The following HACE1 variants were observed in gnomAD, a reference collection of about 807,000 sequenced individuals.
HACE1 encodes the protein E3 ubiquitin-protein ligase HACE1.
A neutral mutation model predicts 118.4 loss-of-function variants in HACE1; 73 were observed. The ratio of observed to expected loss-of-function variants is 0.62; its 90% CI spans 0.51 to 0.75. The LOEUF (loss-of-function observed/expected upper bound fraction) is 0.75, where lower values mean the gene tolerates loss of function less well. Ranked by LOEUF, HACE1 falls within the 30% of genes least tolerant of loss-of-function variation. The pLI, the probability that HACE1 is intolerant of heterozygous loss-of-function variation, is 0.00. For synonymous variants in HACE1, 368 were observed against 374.8 expected (o/e 0.98, Z 0.21); for missense variants, 749 against 1,102.2 (o/e 0.68, Z 4.54).
intron 3 of HACE1, 134 bp downstream of exon 3, chr6:104,850,773 C>G (rs556623430): frequency 2.6e-6 from 2 of 762,520 alleles, no homozygotes; most frequent in East Asian, 2.5e-5. Context: ...GCACACCACG[C>G]GCTCAAACAG....
At chr6:104,810,353 A>C (rs1406528374) in intron 7 of HACE1, among the ~76,000 whole-genome samples, 1 of 152,014 alleles carries the variant, frequency 6.6e-6, no homozygotes, top group Non-Finnish European at 1.5e-5. Flanking sequence ...CCCAACAAGA[A>C]GCTAAACAAG....
At chr6:104,740,080 T>C (rs377053907) in intron 22 of HACE1, among the ~76,000 whole-genome samples, 2 of 151,354 alleles carry the variant, frequency 1.3e-5, no homozygotes, top group African/African-American at 2.4e-5. Context: ...GGGTACATAA[T>C]GAAATGAAGG....
At chr6:104,801,719 G>A (rs1384092941) in intron 7 of HACE1, among the ~76,000 whole-genome samples, 1 of 152,112 alleles carries the variant, frequency 6.6e-6, no homozygotes, top group Non-Finnish European at 1.5e-5. Flanking sequence ...CCTGAAGGAA[G>A]CACTAAACAT....
intron 22 of HACE1, among the ~76,000 whole-genome samples, chr6:104,736,340 A>G (rs1419698231): frequency 6.6e-6 from 1 of 151,952 alleles, no homozygotes. Context: ...GCTAGAGTGC[A>G]GTGGTGCAAT....
intron 14 of HACE1, among the ~76,000 whole-genome samples, chr6:104,781,182 T>C (rs1437279114): frequency 6.6e-6 from 1 of 152,158 alleles, no homozygotes; most frequent in Non-Finnish European, 1.5e-5. Flanking sequence ...AGACTTTCCA[T>C]TTATTCATTA....
At chr6:104,802,922 GGA>G (rs1267195286) in intron 7 of HACE1, among the ~76,000 whole-genome samples, 1 of 152,150 alleles carries the variant, frequency 6.6e-6, no homozygotes. Flanking sequence ...AATGAATCCA[GGA>G]GCTGGTTTTT....
chr6:104,831,986 GGAAGGA>G (rs1774014103), intron 6 of HACE1, among the ~76,000 whole-genome samples: 3 of 37,406 alleles, frequency 8.0e-5, no homozygotes, highest in African/African-American at 2.0e-4. Flanking sequence ...AAGAGAGGAA[GGAAGGA>G]AGGAAGGAAG....
chr6:104,778,857 T>C (rs1001638565), intron 14 of HACE1, among the ~76,000 whole-genome samples: 16 of 151,768 alleles, frequency 1.1e-4, no homozygotes, highest in African/African-American at 3.1e-4. Flanking sequence ...AACTTATGAA[T>C]AGAAATAACT....
intron 22 of HACE1, among the ~76,000 whole-genome samples, chr6:104,737,599 C>A (rs1014125425): frequency 2.6e-5 from 4 of 152,176 alleles, no homozygotes; most frequent in African/African-American, 9.7e-5. Context: ...TCACTCCCAC[C>A]CGAATACTGC....
chr6:104,731,356 A>G (rs901505422), intron 22 of HACE1: 1 of 152,116 alleles, frequency 6.6e-6, no homozygotes, highest in East Asian at 1.9e-4. Flanking sequence ...ATGATTTATA[A>G]CATAAAGCAT....
intron 22 of HACE1, among the ~76,000 whole-genome samples, chr6:104,734,386 TAATACAG>T (rs973304224): frequency 3.4e-4 from 51 of 152,032 alleles, no homozygotes; most frequent in South Asian, 2.1e-3. Context: ...AAATATAAAC[TAATACAG>T]AATACAGAAT....
intron 6 of HACE1, among the ~76,000 whole-genome samples, chr6:104,816,672 C>T (rs537301937): frequency 1.5e-4 from 23 of 152,304 alleles, no homozygotes; most frequent in African/African-American, 5.5e-4. Flanking sequence ...AGGGCACTGT[C>T]TAGTAGAGCT....
chr6:104,768,152 T>C (rs926285132), intron 19 of HACE1, among the ~76,000 whole-genome samples: 12 of 152,182 alleles, frequency 7.9e-5, no homozygotes, highest in African/African-American at 2.9e-4. Flanking sequence ...TGGTTTCACT[T>C]TATAATCACC....
At chr6:104,798,515 C>A (rs1473899639) in intron 7 of HACE1, among the ~76,000 whole-genome samples, 1 of 151,962 alleles carries the variant, frequency 6.6e-6, no homozygotes, top group Non-Finnish European at 1.5e-5. Flanking sequence ...TTCCTTAATA[C>A]CAATAAGCCC....
chr6:104,818,887 C>T (rs929331124), intron 6 of HACE1, among the ~76,000 whole-genome samples: 1 of 151,528 alleles, frequency 6.6e-6, no homozygotes, highest in Non-Finnish European at 1.5e-5. Context: ...AAGGAACATA[C>T]CTCAAAATAA....
intron 22 of HACE1, among the ~76,000 whole-genome samples, chr6:104,737,283 A>C (rs1336131411): frequency 2.4e-4 from 16 of 65,466 alleles, no homozygotes; most frequent in African/African-American, 1.0e-3. Flanking sequence ...ACTCTCTCTC[A>C]AAAAAAAAAA....
intron 22 of HACE1, among the ~76,000 whole-genome samples, chr6:104,734,040 G>A (rs899520214): frequency 2.7e-5 from 4 of 149,506 alleles, no homozygotes; most frequent in Admixed American, 2.0e-4. Context: ...TAATCCCAGC[G>A]ACTCGGGAGG....
intron 17 of HACE1, among the ~76,000 whole-genome samples, chr6:104,776,512 C>T (rs61134657): frequency 0.02 from 3,005 of 152,280 alleles, 93 homozygotes; most frequent in African/African-American, 0.068. Flanking sequence ...TGGGAACCAA[C>T]TGTTTAGAGG....
chr6:104,799,172 C>A lies in HACE1; in HGVS notation c.618-2147G>T, dbSNP rs554145673. Among the ~76,000 whole-genome samples the A allele has an allele frequency of 7.2e-5, 11 of 152,310 alleles. No homozygotes were observed. The East Asian group carries it at 1.7e-3, about 24-fold the overall frequency. ...TGTGCAAAGTCTGACTTAACGGTGA[C>A]ACTGTTATAAGCATTGTTAAATTAA... On this transcript the variant is annotated intron_variant, in intron 7 of 23. Coordinates refer to ENST00000262903, the MANE Select transcript of HACE1 (RefSeq NM_020771.4).
Sources: allele counts gnomAD v4.1 joint callset (sites outside exome capture counted in the v4.1 genomes callset), GRCh38; gene constraint gnomAD v4.1.1; transcripts MANE v1.5; gene names NCBI Gene and HGNC (gene_info 2026-07-23, HGNC 2026-07-21).